Variants in SZT2 observed in about 807,000 individuals in gnomAD.
The protein encoded by SZT2 is SZT2 subunit of KICSTOR complex, also known as KICSTOR complex protein SZT2.
SZT2 carries 216 observed loss-of-function variants against 404.2 expected under a neutral mutation model. The ratio of observed to expected loss-of-function variants is 0.53; its 90% CI spans 0.48 to 0.60. The LOEUF (loss-of-function observed/expected upper bound fraction) is 0.60, where lower values mean the gene tolerates loss of function less well. Among genes scored for constraint, SZT2 ranks in the 20% least tolerant of loss-of-function variants. The pLI is 0.00. For synonymous variants in SZT2, 1,693 were observed against 1,749.9 expected (o/e 0.97, Z 0.81); for missense variants, 3,857 against 4,459.2 (o/e 0.86, Z 3.85).
rs764964124 is a variant in SZT2 at position 43,404,537 on chromosome 1, T to C, written c.485T>C (p.Leu162Pro). Reference sequence around the variant, plus strand: ...CAGGCCTACTCCTCCATCATTGGACTGCAGTCCCACCAGGTATTGCATCAT... The same window carrying C: ...CAGGCCTACTCCTCCATCATTGGACCGCAGTCCCACCAGGTATTGCATCAT... ...TIQAYSSIIG[L>P]QSHQVLVQGC... The change falls in exon 4 of 72, where the codon CTG (leucine) becomes CCG (proline). Residue 162 changes from leucine to proline, a missense_variant. Leu to Pro is a moderately conservative substitution (Grantham distance 98, BLOSUM62 -3). This residue lies in a region of SZT2 where 536 missense variants were observed against 637.4 expected (regional missense o/e 0.84). Transcript: ENST00000634258. 6.2e-7 allele frequency: 1 copy of C among 1,613,346 alleles called. No individual in the cohort carries two copies. The highest frequency in any genetic ancestry group is 1.1e-5 in the South Asian group (1 of 90,870).
chr1:43,422,981 A>G, intron 14 of SZT2, 98 bp downstream of exon 14: 1 of 1,489,632 alleles, frequency 6.7e-7, no homozygotes, highest in African/African-American at 1.4e-5. Flanking sequence ...TAGAGGGAGG[A>G]GCCCCCAGAC....
At position 43,403,261 on chromosome 1, in the gene SZT2, C is replaced by A; in HGVS notation, c.112C>A (p.His38Asn). Reference protein sequence around the residue: ...RNVRLAWFLSHLHQTVQATPQ... With the variant: ...RNVRLAWFLSNLHQTVQATPQ... ...TGTTCGCCTGGCTTGGTTCCTCAGT[C>A]ATCTGCACCAAACTGTGCAGGCCAC... The change falls in exon 2 of 72, where the codon CAT (histidine) becomes AAT (asparagine). Residue 38 changes from histidine (H) to asparagine (N), a missense_variant. His to Asn is a moderately conservative substitution (Grantham distance 68). This residue lies in a region of SZT2 where 536 missense variants were observed against 637.4 expected (regional missense o/e 0.84). Transcript: ENST00000634258. The A allele has an allele frequency of 6.2e-7, 1 of 1,614,016 alleles. No individual in the cohort carries two copies. Among genetic ancestry groups the A allele is most frequent in the South Asian group, 1.1e-5 (1 of 91,060 alleles).
Position 43,449,843 on chromosome 1 carries a change from T to C in SZT2, c.10087-260T>C, listed in dbSNP as rs903461190. 5.2e-6 allele frequency: 3 copies of C among 573,550 alleles called. No individual in the cohort carries two copies. In the African/African-American group the frequency reaches 5.6e-5, roughly 11 times the overall value. The allele number at this position is 573,550 out of a possible 1,614,324, so 35.5% of individuals were successfully genotyped here. On this transcript the variant is annotated intron_variant, in intron 70 of 71. Transcript: ENST00000634258. ...GGTACAGCACTCTCTGTTGATTGGC[T>C]TCAGTGTGCCAGGCTCTGTGTGGGG...
At chr1:43,405,630 T>C (rs1238829653) in intron 4 of SZT2, 1 of 152,220 alleles carries the variant, frequency 6.6e-6, no homozygotes, top group East Asian at 1.9e-4. Flanking sequence ...GTCTGAAACA[T>C]ACAGCAACAA....
chr1:43,390,554 C>T (rs1013238209), intron 1 of SZT2, among the ~76,000 whole-genome samples: 4 of 152,186 alleles, frequency 2.6e-5, no homozygotes, highest in Non-Finnish European at 4.4e-5. Context: ...TATAAAATAT[C>T]TGTCTTATAG....
chr1:43,399,741 G>C lies in SZT2; in HGVS notation c.28-3436G>C, dbSNP rs909186453. Among the ~76,000 whole-genome samples, 6 of 150,872 alleles carry C rather than the reference G, an allele frequency of 4.0e-5. No homozygotes were observed. In the East Asian group the frequency reaches 8.0e-4, roughly 20 times the overall value. ...CTCCCAAAGTGCTGGGATTACAGACGTGAGCCATGGTGCCCGGCCACCAGA... is the reference window on the plus strand; with the variant it reads ...CTCCCAAAGTGCTGGGATTACAGACCTGAGCCATGGTGCCCGGCCACCAGA... On this transcript the variant is annotated intron_variant, in intron 1 of 71. Coordinates refer to ENST00000634258, the MANE Select transcript of SZT2 (RefSeq NM_001365999.1).
Position 43,443,583 on chromosome 1 carries a change from C to G in SZT2, c.8626-14C>G, listed in dbSNP as rs779143432. 6.2e-7 allele frequency: 1 copy of G among 1,613,918 alleles called. No homozygotes were observed. Among genetic ancestry groups the G allele is most frequent in the African/African-American group, 1.3e-5 (1 of 74,928 alleles). On this transcript the variant is annotated splice_polypyrimidine_tract_variant and intron_variant, in intron 61 of 71. Transcript: ENST00000634258. ...GACAGTGGGGAGAGTCTTCCTTGATCTTTACTCTCATAGCGGCGCCATCGC... is the reference window on the plus strand; with the variant it reads ...GACAGTGGGGAGAGTCTTCCTTGATGTTTACTCTCATAGCGGCGCCATCGC...
intron 4 of SZT2, among the ~76,000 whole-genome samples, chr1:43,408,725 T>A (rs1650641326): frequency 6.6e-6 from 1 of 152,220 alleles, no homozygotes; most frequent in South Asian, 2.1e-4. Context: ...TTGAGTTGTC[T>A]CAGTTTTCAT....
intron 4 of SZT2, 133 bp from the exon 5 acceptor site, chr1:43,414,949 T>A: frequency 8.7e-7 from 1 of 1,143,488 alleles, no homozygotes; most frequent in Non-Finnish European, 1.2e-6. Flanking sequence ...GGCTGTGGAG[T>A]CATACCTTAG....
In SZT2 at chr1:43,427,457, G is replaced by A. The variant is rs753581177; in HGVS notation, c.3598+12G>A. ...GACCCTGGCTAGTGGTAAGGCTGCC[G>A]ACTCAAGGTGGGCAGGAGTGGGAGT... On this transcript the variant is annotated intron_variant, in intron 25 of 71. Coordinates refer to ENST00000634258, the MANE Select transcript of SZT2 (RefSeq NM_001365999.1). The A allele has an allele frequency of 1.6e-5, 25 of 1,611,696 alleles. No homozygotes were observed. Among genetic ancestry groups the A allele is most frequent in the Admixed American group, 6.7e-5 (4 of 59,960 alleles).
In SZT2 at chr1:43,396,703, C is replaced by T. The variant is rs1411652925; in HGVS notation, c.28-6474C>T. On this transcript the variant is annotated intron_variant, in intron 1 of 71. Transcript: ENST00000634258. ...GAAGCTCACCCAGAGTCTTAGCTGT[C>T]AAATCACAACACTTTCTTTCTGTAA... 5.3e-5 allele frequency among the ~76,000 whole-genome samples: 8 copies of T among 152,298 alleles called. No individual in the cohort carries two copies. In the East Asian group the frequency reaches 1.5e-3, roughly 29 times the overall value.
Position 43,424,726 on chromosome 1 carries a change from G to C in SZT2, c.2472-58G>C. ...TGGGTGTATGTGGGGAGAGCTTGTA[G>C]TCTCAGTGTCTCTTCTTCCCTTATC... On this transcript the variant is annotated intron_variant, in intron 16 of 71. Coordinates refer to ENST00000634258, the MANE Select transcript of SZT2 (RefSeq NM_001365999.1). This position sits in a 1 kb window ranked among gnomAD's most constrained non-coding sequence, Gnocchi z 4.1. The C allele has an allele frequency of 6.9e-7, 1 of 1,452,222 alleles. No individual in the cohort carries two copies. The highest frequency in any genetic ancestry group is 1.2e-5 in the South Asian group (1 of 86,456). 90.0% of individuals were successfully genotyped at this position (1,452,222 alleles called of 1,614,324 possible).
rs370758014 is a variant in SZT2, at chr1:43,425,446, A to G, written c.2646-28A>G. 6 of 1,613,370 alleles carry G rather than the reference A, an allele frequency of 3.7e-6. No homozygotes were observed. Among genetic ancestry groups the G allele is most frequent in the African/African-American group, 1.3e-5 (1 of 74,926 alleles). ...TTCACTCCCTGCCATGAGGCTGTGC[A>G]TTGGACTCAGAGCCCTTCCTCCTTT... On this transcript the variant is annotated intron_variant, in intron 18 of 71. Coordinates refer to ENST00000634258, the MANE Select transcript of SZT2 (RefSeq NM_001365999.1). This position sits in a 1 kb window ranked among gnomAD's most constrained non-coding sequence, Gnocchi z 4.3.
Position 43,420,640 on chromosome 1 carries a change from C to T in SZT2, c.1262-109C>T. 6.3e-6 allele frequency: 7 copies of T among 1,117,462 alleles called. No individual in the cohort carries two copies. The highest frequency in any genetic ancestry group is 3.0e-5 in the South Asian group (2 of 66,366). 69.2% of individuals were successfully genotyped at this position (1,117,462 alleles called of 1,614,324 possible). On this transcript the variant is annotated intron_variant, in intron 9 of 71. Coordinates refer to ENST00000634258, the MANE Select transcript of SZT2 (RefSeq NM_001365999.1). This position sits in a 1 kb window ranked among gnomAD's most constrained non-coding sequence, Gnocchi z 5.1. ...AAACCTGTGGAACCATGCTTGGAAC[C>T]TTTGGCAGGACTGGGTTCCATGAGG...
intron 1 of SZT2, among the ~76,000 whole-genome samples, chr1:43,401,509 T>A (rs1649679338): frequency 6.6e-6 from 1 of 152,170 alleles, no homozygotes; most frequent in Non-Finnish European, 1.5e-5. Flanking sequence ...TTTTTTGAGA[T>A]GGAGTCTCAC....
At chr1:43,434,331 A>G (rs41270353) in intron 40 of SZT2, 55 bp from the exon 41 acceptor site, 108 of 1,449,038 alleles carry the variant, frequency 7.5e-5, no homozygotes, top group Non-Finnish European at 1.0e-4. Flanking sequence ...ATATCATGCC[A>G]TTACATATAA....
In SZT2 at chr1:43,430,428, G is replaced by C. The variant is rs1020784130; in HGVS notation, c.4480+39G>C. On this transcript the variant is annotated intron_variant, in intron 31 of 71. Transcript: ENST00000634258. Reference sequence around the variant, plus strand: ...TGAGTCAAGGTGGGGAAGGCTGGCTGCTTCACGCCGAGATTCAAGGGTTCC... The same window carrying C: ...TGAGTCAAGGTGGGGAAGGCTGGCTCCTTCACGCCGAGATTCAAGGGTTCC... 10 of 1,602,460 alleles carry C rather than the reference G, an allele frequency of 6.2e-6. No homozygotes were observed. In the African/African-American group the frequency reaches 1.2e-4, roughly 19 times the overall value.
In SZT2 at chr1:43,424,768, C is replaced by T. The variant is rs554842337; in HGVS notation, c.2472-16C>T. The stretch of plus-strand genomic sequence containing the variant: ...TCCCTTATCCTGGCCTTGCCCCGGC[C>T]TTTATGGGGCTTCAGAGTCCGACTT... On this transcript the variant is annotated splice_polypyrimidine_tract_variant and intron_variant, in intron 16 of 71. Coordinates refer to ENST00000634258, the MANE Select transcript of SZT2 (RefSeq NM_001365999.1). The surrounding 1 kb of genome is among the most constrained non-coding windows in gnomAD (Gnocchi z 4.1). 3 of 1,612,986 alleles carry T rather than the reference C, an allele frequency of 1.9e-6. No individual in the cohort carries two copies. The highest frequency in any genetic ancestry group is 4.5e-5 in the East Asian group (2 of 44,862).
chr1:43,441,540 G>T lies in SZT2; in HGVS notation c.7548G>T (p.Gly2516=), dbSNP rs369836785. ...RTTQLEEGEV[G]TLHPVFARVA... is the part of the protein sequence containing the mutation. ...CACAGCTAGAAGAGGGTGAGGTGGG[G>T]ACCCTTCATCCTGTGTTTGCCCGTG... Residue 2516 remains glycine (G), a synonymous_variant, in exon 54 of 72, where the codon GGG becomes GGT. Coordinates refer to ENST00000634258, the MANE Select transcript of SZT2 (RefSeq NM_001365999.1). The surrounding 1 kb of genome is among the most constrained non-coding windows in gnomAD (Gnocchi z 4.8). 3.1e-6 allele frequency: 5 copies of T among 1,614,028 alleles called. No homozygotes were observed. The highest frequency in any genetic ancestry group is 1.1e-5 in the South Asian group (1 of 91,066).
Sources: allele counts gnomAD v4.1 joint callset (sites outside exome capture counted in the v4.1 genomes callset), GRCh38; gene constraint gnomAD v4.1.1; regional missense constraint gnomAD v4.1.1; non-coding constraint Gnocchi (gnomAD v3.1); transcripts MANE v1.5; gene names NCBI Gene and HGNC (gene_info 2026-07-23, HGNC 2026-07-21).